The following PCDHGB5 variants were observed in gnomAD, a reference collection of about 807,000 sequenced individuals.
PCDHGB5 encodes the protein protocadherin gamma subfamily B, 5, also known as protocadherin gamma-B5.
PCDHGB5 carries 48 observed loss-of-function variants against 62.9 expected under a neutral mutation model. That is an observed-to-expected ratio of 0.76 (90% confidence interval 0.61 to 0.97). The LOEUF (loss-of-function observed/expected upper bound fraction) is 0.97. Among genes scored for constraint, PCDHGB5 ranks in the 50% least tolerant of loss-of-function variants. PCDHGB5 has a pLI of 0.00. For synonymous variants in PCDHGB5, 474 were observed against 511.2 expected (o/e 0.93, Z 0.98); for missense variants, 1,118 against 1,198.6 (o/e 0.93, Z 0.99).
At chr5:141,419,668 G>A (rs752237614) in intron 1 of PCDHGB5, 1 of 1,612,892 alleles carries the variant, frequency 6.2e-7, no homozygotes, top group East Asian at 2.2e-5. Context: ...ACAATGCCTG[G>A]CTGTCCTACC....
intron 1 of PCDHGB5, chr5:141,402,915 CAG>C: frequency 6.4e-7 from 1 of 1,564,688 alleles, no homozygotes; most frequent in Non-Finnish European, 8.7e-7. Flanking sequence ...GCAGCGCGCA[CAG>C]AGATCCTTTT....
chr5:141,465,056 G>A (rs908104635), intron 1 of PCDHGB5, among the ~76,000 whole-genome samples: 9 of 151,044 alleles, frequency 6.0e-5, no homozygotes, highest in Non-Finnish European at 1.3e-4. Context: ...ATATTTTTTT[G>A]AATTGTCTGT....
chr5:141,494,845 C>G lies in PCDHGB5; in HGVS notation c.2436C>G (p.Ala812=), dbSNP rs747484430. The part of the protein sequence containing the change: ...PPNTDWRFSQ[A]QRPGTSGSQN... Reference sequence around the variant, plus strand: ...ACACGGACTGGCGTTTCTCTCAGGCCCAGAGACCCGGCACCAGCGGGTAGG... The same window carrying G: ...ACACGGACTGGCGTTTCTCTCAGGCGCAGAGACCCGGCACCAGCGGGTAGG... The change falls in exon 2 of 4, where the codon GCC becomes GCG. Residue 812 remains alanine, a synonymous_variant. Transcript: ENST00000617380. 1.2e-6 allele frequency: 2 copies of G among 1,614,144 alleles called. No individual in the cohort carries two copies. The highest frequency in any genetic ancestry group is 1.7e-6 in the Non-Finnish European group (2 of 1,180,028).
Position 141,404,160 on chromosome 5 carries a change from G to A in PCDHGB5, c.2397+3636G>A, listed in dbSNP as rs1308529085. On this transcript the variant is annotated intron_variant, in intron 1 of 3. Coordinates refer to ENST00000617380, the MANE Select transcript of PCDHGB5 (RefSeq NM_018925.3). The stretch of plus-strand genomic sequence containing the variant: ...GAAAATTCAGAAGAAGATTATTACA[G>A]ATTGTTGACGGCCCAAATTCTTGAC... The A allele has an allele frequency of 3.1e-6, 5 of 1,613,054 alleles. No homozygotes were observed. In the Admixed American group the frequency reaches 6.7e-5, roughly 22 times the overall value.
chr5:141,431,876 GA>G lies in PCDHGB5; in HGVS notation c.2397+31353del. 6.2e-7 allele frequency: 1 copy of G among 1,614,188 alleles called. No individual in the cohort carries two copies. Among genetic ancestry groups the G allele is most frequent in the Non-Finnish European group, 8.5e-7 (1 of 1,180,008 alleles). On this transcript the variant is annotated intron_variant, in intron 1 of 3. Transcript: ENST00000617380. The surrounding 1 kb of genome is among the most constrained non-coding windows in gnomAD (Gnocchi z 4.8). ...ATTAATTGCCCTTTTAAATGTAAATGACCAAGATTCTGAGGAAAACGGACAG... is the reference window on the plus strand; with the variant it reads ...ATTAATTGCCCTTTTAAATGTAAATGCCAAGATTCTGAGGAAAACGGACAG...
At chr5:141,499,025 G>A (rs561539084) in intron 2 of PCDHGB5, among the ~76,000 whole-genome samples, 4 of 140,712 alleles carry the variant, frequency 2.8e-5, no homozygotes, top group Admixed American at 1.4e-4. Context: ...AGGAAGGAAG[G>A]AAGAAAAGAA....
At chr5:141,405,217 G>A in intron 1 of PCDHGB5, 9 of 1,614,024 alleles carry the variant, frequency 5.6e-6, no homozygotes, top group Non-Finnish European at 7.6e-6. Context: ...CCTATTCTCA[G>A]GAGTTCTCCC....
chr5:141,418,620 A>T lies in PCDHGB5; in HGVS notation c.2397+18096A>T, dbSNP rs762197476. 180 of 1,613,904 alleles carry T rather than the reference A, an allele frequency of 1.1e-4. No homozygotes were observed. The highest frequency in any genetic ancestry group is 1.5e-4 in the Non-Finnish European group (172 of 1,179,900). On this transcript the variant is annotated intron_variant, in intron 1 of 3. Coordinates refer to ENST00000617380, the MANE Select transcript of PCDHGB5 (RefSeq NM_018925.3). The stretch of plus-strand genomic sequence containing the variant: ...GTGTACAGGGTTAGCCTTCGGGAAG[A>T]CGTGCCTCCAGGCACCTCCATCCTG...
At position 141,485,675 on chromosome 5, in the gene PCDHGB5, A is replaced by C. The variant is rs1562106929; in HGVS notation, c.2398-9132A>C. 6.2e-7 allele frequency: 1 copy of C among 1,613,068 alleles called. No homozygotes were observed. The highest frequency in any genetic ancestry group is 8.5e-7 in the Non-Finnish European group (1 of 1,179,150). On this transcript the variant is annotated intron_variant, in intron 1 of 3. Coordinates refer to ENST00000617380, the MANE Select transcript of PCDHGB5 (RefSeq NM_018925.3). The surrounding 1 kb of genome is among the most constrained non-coding windows in gnomAD (Gnocchi z 5.7). ...TGCAGATGTGGGGAGCAATTCGATT[A>C]GCAGCTATAGGCTGAGCTCCAATGA...
chr5:141,423,832 T>G, intron 1 of PCDHGB5: 113 of 1,253,376 alleles, frequency 9.0e-5, no homozygotes, highest in East Asian at 2.6e-4. Context: ...TTTCATGAGA[T>G]TACGATAATC....
chr5:141,400,954 G>A (rs1195267748), intron 1 of PCDHGB5, among the ~76,000 whole-genome samples: 1 of 152,014 alleles, frequency 6.6e-6, no homozygotes, highest in African/African-American at 2.4e-5. Context: ...GATTTCACTG[G>A]TAGTTTTCAT....
chr5:141,428,116 A>G, intron 1 of PCDHGB5: 1 of 1,607,216 alleles, frequency 6.2e-7, no homozygotes, highest in Non-Finnish European at 8.5e-7. Flanking sequence ...CAGGCCATCG[A>G]GCCCGGGCTT....
chr5:141,501,328 CACA>C (rs2099808027), intron 2 of PCDHGB5, among the ~76,000 whole-genome samples: 1 of 151,710 alleles, frequency 6.6e-6, no homozygotes, highest in Non-Finnish European at 1.5e-5. Context: ...CACACACACA[CACA>C]CACCCCAAAC....
intron 1 of PCDHGB5, among the ~76,000 whole-genome samples, chr5:141,473,033 G>A (rs1199215390): frequency 1.4e-5 from 2 of 146,282 alleles, no homozygotes. Flanking sequence ...AAGGAAGGAA[G>A]GAAAGAAAGA....
At position 141,421,448 on chromosome 5, in the gene PCDHGB5, A is replaced by G. The variant is rs772957069; in HGVS notation, c.2397+20924A>G. On this transcript the variant is annotated intron_variant, in intron 1 of 3. Coordinates refer to ENST00000617380, the MANE Select transcript of PCDHGB5 (RefSeq NM_018925.3). ...CGCATCGTCTCCAGAGGGAAGACAC[A>G]GCTTTTCGCTGTGAATCCGCGAAGC... The G allele has an allele frequency of 7.8e-5, 126 of 1,614,014 alleles. No individual in the cohort carries two copies. The highest frequency in any genetic ancestry group is 1.0e-4 in the Non-Finnish European group (119 of 1,179,944).
chr5:141,436,207 A>G (rs544201723), intron 1 of PCDHGB5, among the ~76,000 whole-genome samples: 67 of 152,260 alleles, frequency 4.4e-4, no homozygotes, highest in Non-Finnish European at 7.9e-4. Flanking sequence ...ACATAATAGG[A>G]AAACAAATGA....
Position 141,487,289 on chromosome 5 carries a change from G to A in PCDHGB5, c.2398-7518G>A. The A allele has an allele frequency of 1.2e-6, 2 of 1,614,096 alleles. No individual in the cohort carries two copies. The highest frequency in any genetic ancestry group is 1.7e-6 in the Non-Finnish European group (2 of 1,180,024). On this transcript the variant is annotated intron_variant, in intron 1 of 3. Coordinates refer to ENST00000617380, the MANE Select transcript of PCDHGB5 (RefSeq NM_018925.3). The surrounding 1 kb of genome is among the most constrained non-coding windows in gnomAD (Gnocchi z 5.0). ...AGTGGCAATTTGCTTTGTCTCCTTTGGCTCATTCGTGGCACTACTCTCTAA... is the reference window on the plus strand; with the variant it reads ...AGTGGCAATTTGCTTTGTCTCCTTTAGCTCATTCGTGGCACTACTCTCTAA...
chr5:141,510,280 A>G (rs1218058358), intron 3 of PCDHGB5, among the ~76,000 whole-genome samples: 1 of 151,892 alleles, frequency 6.6e-6, no homozygotes, highest in Non-Finnish European at 1.5e-5. Context: ...CTTAAAAAAA[A>G]AAAAAAAAAA....
In PCDHGB5 at chr5:141,485,589, A is replaced by G. The variant is rs1407992185; in HGVS notation, c.2398-9218A>G. 6.2e-7 allele frequency: 1 copy of G among 1,612,610 alleles called. No homozygotes were observed. Among genetic ancestry groups the G allele is most frequent in the Non-Finnish European group, 8.5e-7 (1 of 1,178,834 alleles). On this transcript the variant is annotated intron_variant, in intron 1 of 3. Coordinates refer to ENST00000617380, the MANE Select transcript of PCDHGB5 (RefSeq NM_018925.3). The surrounding 1 kb of genome is among the most constrained non-coding windows in gnomAD (Gnocchi z 5.7). Reference sequence around the variant, plus strand: ...CCCCGTTTTCCGCGGCAGCAGCTGGACTTGGAAATTGGGGAGGCAGCTCCT... The same window carrying G: ...CCCCGTTTTCCGCGGCAGCAGCTGGGCTTGGAAATTGGGGAGGCAGCTCCT...
Sources: gnomAD v4.1 joint callset for allele counts (sites outside exome capture counted in the v4.1 genomes callset) on GRCh38, gnomAD v4.1.1 for gene constraint, Gnocchi (gnomAD v3.1) non-coding constraint, MANE v1.5 for transcripts, NCBI Gene and HGNC (gene_info 2026-07-23, HGNC 2026-07-21) for gene names.